CHST1: variants seen among roughly 807,000 people sequenced by gnomAD.
The protein encoded by CHST1 is Keratan sulfotransferase.
A neutral mutation model predicts 22.5 loss-of-function variants in CHST1; 10 were observed. The observed-to-expected ratio is 0.44, with a 90% confidence interval of 0.27 to 0.75. The LOEUF (loss-of-function observed/expected upper bound fraction) is 0.75. Among genes scored for constraint, CHST1 ranks in the 30% least tolerant of loss-of-function variants. The pLI is 0.15. For synonymous variants in CHST1, 267 were observed against 264.5 expected (o/e 1.01, Z -0.09); for missense variants, 439 against 576.1 (o/e 0.76, Z 2.44).
In CHST1 at chr11:45,648,567, T is replaced by A. The variant is rs1479761290; in HGVS notation, c.*1121A>T. On this transcript the variant is annotated 3_prime_UTR_variant, in exon 4 of 4. Coordinates refer to ENST00000308064, the MANE Select transcript of CHST1 (RefSeq NM_003654.6). ...ATAGCCAGGTGTGGCAGTGTGCACC[T>A]GTAGTCCCAGTCACTCGGGAGGCTG... 6.7e-6 allele frequency among the ~76,000 whole-genome samples: 1 copy of A among 150,252 alleles called. No individual in the cohort carries two copies. The highest frequency in any genetic ancestry group is 2.4e-5 in the African/African-American group (1 of 40,980).
intron 1 of CHST1, among the ~76,000 whole-genome samples, chr11:45,662,302 G>A (rs72898606): frequency 7.2e-5 from 11 of 152,144 alleles, no homozygotes; most frequent in East Asian, 1.9e-4. Context: ...TGCCTTTAGC[G>A]GGAAGGCTGA....
intron 3 of CHST1, 171 bp from the exon 4 acceptor site, chr11:45,651,136 G>A (rs1851994074): frequency 4.5e-6 from 2 of 449,092 alleles, no homozygotes; most frequent in South Asian, 7.2e-5. Flanking sequence ...GTTCTCTGGG[G>A]GACTCCTGGG....
chr11:45,656,298 T>C (rs1010110260), intron 1 of CHST1, among the ~76,000 whole-genome samples: 39 of 152,238 alleles, frequency 2.6e-4, no homozygotes, highest in African/African-American at 9.4e-4. Flanking sequence ...ATTATTAACA[T>C]GTCCAGGGAA....
intron 1 of CHST1, among the ~76,000 whole-genome samples, chr11:45,656,734 C>A: frequency 8.1e-6 from 1 of 122,824 alleles, no homozygotes; most frequent in East Asian, 2.3e-4. Flanking sequence ...CCCCCCCAGG[C>A]ACTGCCAGCC....
intron 1 of CHST1, among the ~76,000 whole-genome samples, chr11:45,654,682 T>A (rs1342944151): frequency 6.6e-6 from 1 of 152,190 alleles, no homozygotes; most frequent in African/African-American, 2.4e-5. Context: ...TGGCCTGGCC[T>A]CCCTCTACCT....
chr11:45,659,590 G>A (rs1291702347), intron 1 of CHST1, among the ~76,000 whole-genome samples: 1 of 152,070 alleles, frequency 6.6e-6, no homozygotes, highest in African/African-American at 2.4e-5. Context: ...CTTCCCAGAG[G>A]GTTTTCCCTC....
intron 1 of CHST1, among the ~76,000 whole-genome samples, chr11:45,658,588 C>A (rs1320162657): frequency 6.6e-6 from 1 of 152,036 alleles, no homozygotes; most frequent in African/African-American, 2.4e-5. Context: ...CCAGGCCCGA[C>A]CTGAGGGGAA....
intron 1 of CHST1, among the ~76,000 whole-genome samples, chr11:45,662,484 G>A (rs539088665): frequency 4.5e-4 from 69 of 152,282 alleles, no homozygotes; most frequent in African/African-American, 1.6e-3. Context: ...TGCCGGGGCC[G>A]CTGGGGAGAG....
At chr11:45,661,614 C>A (rs920370960) in intron 1 of CHST1, among the ~76,000 whole-genome samples, 1 of 152,164 alleles carries the variant, frequency 6.6e-6, no homozygotes, top group African/African-American at 2.4e-5. Context: ...TGGGCTCTGG[C>A]CATACAAGCA....
At chr11:45,662,247 T>C (rs757712321) in intron 1 of CHST1, among the ~76,000 whole-genome samples, 4 of 151,958 alleles carry the variant, frequency 2.6e-5, no homozygotes, top group Non-Finnish European at 5.9e-5. Flanking sequence ...CCTCTTCTGC[T>C]CCTCTCCATC....
Position 45,649,858 on chromosome 11 carries a change from T to A in CHST1, c.1066A>T (p.Thr356Ser). Reference sequence around the variant, plus strand: ...AGGCGGAAGCGCCACTTCTCGGCCGTGGCCGCCGAGTTTCGCACGGTGCCG... The same window carrying A: ...AGGCGGAAGCGCCACTTCTCGGCCGAGGCCGCCGAGTTTCGCACGGTGCCG... ...KYGTVRNSAA[T>S]AEKWRFRLSY... Residue 356 changes from threonine to serine, a missense_variant, in exon 4 of 4, where the codon ACG becomes TCG. Physicochemically the swap from Thr to Ser is moderately conservative, Grantham distance 58 (BLOSUM62 1). Coordinates refer to ENST00000308064, the MANE Select transcript of CHST1 (RefSeq NM_003654.6). The A allele has an allele frequency of 6.2e-7, 1 of 1,611,132 alleles. No individual in the cohort carries two copies. The highest frequency in any genetic ancestry group is 8.5e-7 in the Non-Finnish European group (1 of 1,179,954).
intron 1 of CHST1, among the ~76,000 whole-genome samples, chr11:45,662,389 C>T (rs887680330): frequency 1.3e-5 from 2 of 152,220 alleles, no homozygotes; most frequent in African/African-American, 4.8e-5. Flanking sequence ...AAACCCAGGG[C>T]TGCCTAGCAC....
chr11:45,649,429 C>A lies in CHST1; in HGVS notation c.*259G>T, dbSNP rs1329450354. ...AACATTGTCACCGTCCGCACAGAGACCCAACATCCATGTGTCTGAATGGGG... is the reference window on the plus strand; with the variant it reads ...AACATTGTCACCGTCCGCACAGAGAACCAACATCCATGTGTCTGAATGGGG... On this transcript the variant is annotated 3_prime_UTR_variant, in exon 4 of 4. Coordinates refer to ENST00000308064, the MANE Select transcript of CHST1 (RefSeq NM_003654.6). The A allele has an allele frequency of 1.0e-5, 5 of 493,014 alleles. No individual in the cohort carries two copies. Among genetic ancestry groups the A allele is most frequent in the Non-Finnish European group, 1.4e-5 (4 of 285,050 alleles). The allele number at this position is 493,014 out of a possible 1,614,324, so 30.5% of individuals were successfully genotyped here.
chr11:45,658,832 A>G (rs1245896618), intron 1 of CHST1, among the ~76,000 whole-genome samples: 2 of 151,970 alleles, frequency 1.3e-5, no homozygotes, highest in African/African-American at 4.8e-5. Context: ...GAGTTGGAAT[A>G]GTACCGAGGC....
At position 45,656,889 on chromosome 11, in the gene CHST1, C is replaced by T. The variant is rs1167341564; in HGVS notation, c.-226-4283G>A. Among the ~76,000 whole-genome samples the T allele has an allele frequency of 2.0e-5, 3 of 152,084 alleles. No homozygotes were observed. The East Asian group carries it at 5.8e-4, about 29-fold the overall frequency. Reference sequence around the variant, plus strand: ...ATACAGGGACGGAGCTGAAATAAAGCTGGATTTCAGAGGGGGCCTGTGGCT... The same window carrying T: ...ATACAGGGACGGAGCTGAAATAAAGTTGGATTTCAGAGGGGGCCTGTGGCT... On this transcript the variant is annotated intron_variant, in intron 1 of 3. Coordinates refer to ENST00000308064, the MANE Select transcript of CHST1 (RefSeq NM_003654.6).
At chr11:45,655,077 C>A (rs1029132499) in intron 1 of CHST1, among the ~76,000 whole-genome samples, 2 of 152,212 alleles carry the variant, frequency 1.3e-5, no homozygotes, top group African/African-American at 4.8e-5. Flanking sequence ...GCCTCTGACA[C>A]CAGCCCTGCT....
At chr11:45,662,363 A>G (rs1401871659) in intron 1 of CHST1, among the ~76,000 whole-genome samples, 2 of 152,212 alleles carry the variant, frequency 1.3e-5, no homozygotes, top group Non-Finnish European at 1.5e-5. Flanking sequence ...GCTCCTAGAC[A>G]GGTAGGGTCT....
intron 1 of CHST1, among the ~76,000 whole-genome samples, chr11:45,660,696 C>T (rs562372703): frequency 6.6e-6 from 1 of 152,254 alleles, no homozygotes; most frequent in African/African-American, 2.4e-5. Flanking sequence ...ACCTGCCCTG[C>T]AGAATCCTTG....
In CHST1 at chr11:45,649,791, T is replaced by C. The variant is rs768038977; in HGVS notation, c.1133A>G (p.Gln378Arg). Residue 378 changes from glutamine to arginine, a missense_variant, in exon 4 of 4, where the codon CAG (glutamine) becomes CGG (arginine). Gln to Arg is a conservative substitution (Grantham distance 43). Transcript: ENST00000308064. ...CTTGTAGCCCAGCTGGGCCAGCACC[T>C]GCTGGCAGGCGTTCTGGGCAAAGGC... is the stretch of plus-strand genomic sequence containing the variant. ...IVAFAQNACQ[Q>R]VLAQLGYKIA... 2 of 1,611,844 alleles carry C rather than the reference T, an allele frequency of 1.2e-6. No homozygotes were observed. The highest frequency in any genetic ancestry group is 1.7e-5 in the Admixed American group (1 of 60,006).
Sources: gnomAD v4.1 joint callset for allele counts (sites outside exome capture counted in the v4.1 genomes callset) on GRCh38, gnomAD v4.1.1 for gene constraint, MANE v1.5 for transcripts, NCBI Gene and HGNC (gene_info 2026-07-23, HGNC 2026-07-21) for gene names.